CEP152: variants seen among roughly 807,000 people sequenced by gnomAD.
CEP152 encodes the protein centrosomal protein of 152 kDa.
CEP152 carries 132 observed loss-of-function variants against 188.9 expected under a neutral mutation model. The ratio of observed to expected loss-of-function variants is 0.70; its 90% CI spans 0.61 to 0.81. The LOEUF is 0.81. Ranked by LOEUF, CEP152 falls within the 30% of genes least tolerant of loss-of-function variation. The pLI, the probability that CEP152 is intolerant of heterozygous loss-of-function variation, is 0.00. For missense variants in CEP152, 1,914 were observed against 1,969.8 expected, an observed-to-expected ratio of 0.97 and a Z score of 0.54; for synonymous variants, 649 against 666.6, an observed-to-expected ratio of 0.97 and a Z score of 0.41.
chr15:48,747,039 C>T (rs1312038211), intron 22 of CEP152, among the ~76,000 whole-genome samples: 2 of 152,174 alleles, frequency 1.3e-5, no homozygotes, highest in African/African-American at 2.4e-5. Flanking sequence ...GGATCAAGAA[C>T]TTTTCAAACC....
At chr15:48,810,416 CAG>C (rs1898254128) in intron 1 of CEP152, 1 of 152,254 alleles carries the variant, frequency 6.6e-6, no homozygotes, top group African/African-American at 2.4e-5. Flanking sequence ...ATCTTGTGAT[CAG>C]TGCTAATAAC....
At chr15:48,750,821 T>C (rs1435437695) in intron 21 of CEP152, among the ~76,000 whole-genome samples, 1 of 152,170 alleles carries the variant, frequency 6.6e-6, no homozygotes, top group Non-Finnish European at 1.5e-5. Context: ...TACACATAAT[T>C]AAAACATTAA....
rs1894222776 is a variant in CEP152 at position 48,755,913 on chromosome 15, T to C, written c.3335A>G (p.Glu1112Gly). 1.9e-6 allele frequency: 3 copies of C among 1,613,844 alleles called. No individual in the cohort carries two copies. Among genetic ancestry groups the C allele is most frequent in the African/African-American group, 1.3e-5 (1 of 75,042 alleles). Residue 1112 changes from glutamate to glycine, a missense_variant, in exon 20 of 27, where the codon GAA becomes GGA. Physicochemically the swap from Glu to Gly is moderately conservative, Grantham distance 98. Coordinates refer to ENST00000380950, the MANE Select transcript of CEP152 (RefSeq NM_001194998.2). ...LPLLVENADP[E>G]WKKRNMAELS... ...CTCTCAGGAACATACCTTTTTCCAT[T>C]CTGGGTCAGCGTTTTCTACAAGCAG...
chr15:48,783,928 T>C (rs1322197200), intron 10 of CEP152, 45 bp downstream of exon 10: 16 of 1,611,284 alleles, frequency 9.9e-6, no homozygotes, highest in East Asian at 6.7e-5. Context: ...TTTCTGCATA[T>C]TGAACCAACC....
chr15:48,732,237 T>C (rs1007904967), intron 2 of CEP152, among the ~76,000 whole-genome samples: 3 of 152,238 alleles, frequency 2.0e-5, no homozygotes, highest in Non-Finnish European at 2.9e-5. Context: ...TGCACACGTA[T>C]GTTTCCTGCA....
At chr15:48,747,624 T>C (rs1893545076) in intron 22 of CEP152, among the ~76,000 whole-genome samples, 1 of 152,072 alleles carries the variant, frequency 6.6e-6, no homozygotes, top group Non-Finnish European at 1.5e-5. Flanking sequence ...AAAAGAATGT[T>C]GGGGAAAAGT....
intron 9 of CEP152, among the ~76,000 whole-genome samples, chr15:48,787,420 C>T (rs1165892817): frequency 6.6e-6 from 1 of 152,080 alleles, no homozygotes; most frequent in Non-Finnish European, 1.5e-5. Context: ...ATCCACCTGC[C>T]TCAACCTCCC....
At chr15:48,771,533 G>A (rs1022195005) in intron 13 of CEP152, among the ~76,000 whole-genome samples, 1 of 152,056 alleles carries the variant, frequency 6.6e-6, no homozygotes. Flanking sequence ...GAGCACTATT[G>A]GTAAAAGCCA....
At chr15:48,783,391 T>C (rs1002734288) in intron 10 of CEP152, 1 of 152,138 alleles carries the variant, frequency 6.6e-6, no homozygotes, top group Admixed American at 6.5e-5. Flanking sequence ...TATTCCATTA[T>C]GAGGGGAAAA....
chr15:48,803,313 G>C (rs182009330), intron 2 of CEP152, among the ~76,000 whole-genome samples: 10 of 152,066 alleles, frequency 6.6e-5, no homozygotes, highest in African/African-American at 2.4e-4. Flanking sequence ...GGAAGACTGA[G>C]ACAGTTAAAA....
intron 13 of CEP152, among the ~76,000 whole-genome samples, chr15:48,771,192 T>TG (rs1567002617): frequency 1.3e-5 from 2 of 152,230 alleles, no homozygotes; most frequent in East Asian, 3.9e-4. Context: ...TGTGATAGCA[T>TG]GATCTTACAG....
At chr15:48,805,461 T>A in intron 2 of CEP152, 102 bp downstream of exon 2, 1 of 1,423,578 alleles carries the variant, frequency 7.0e-7, no homozygotes, top group Non-Finnish European at 9.3e-7. Context: ...AAAATCCAAA[T>A]CCCTTCAAAA....
In CEP152 at chr15:48,744,942, T is replaced by G; in HGVS notation, c.3685A>C (p.Lys1229Gln). ...GTTTGCAATTCTTCCAATTTATTCTTCATGTCGTTGTTTTCTTCTATTAAT... is the reference window on the plus strand; with the variant it reads ...GTTTGCAATTCTTCCAATTTATTCTGCATGTCGTTGTTTTCTTCTATTAAT... ...EELIEENNDM[K>Q]NKLEELQTLC... Residue 1229 changes from lysine (K) to glutamine (Q), a missense_variant, in exon 23 of 27, where the codon AAG becomes CAG. Coordinates refer to ENST00000380950, the MANE Select transcript of CEP152 (RefSeq NM_001194998.2). 1 of 1,611,066 alleles carries G rather than the reference T, an allele frequency of 6.2e-7. No individual in the cohort carries two copies. The highest frequency in any genetic ancestry group is 8.5e-7 in the Non-Finnish European group (1 of 1,179,038).
intron 18 of CEP152, 55 bp downstream of exon 18, chr15:48,762,336 T>C: frequency 6.7e-7 from 1 of 1,493,508 alleles, no homozygotes; most frequent in Non-Finnish European, 9.3e-7. Flanking sequence ...TGTATGGGTT[T>C]TCATTAAGAG....
At chr15:48,763,457 T>TCGG in intron 17 of CEP152, among the ~76,000 whole-genome samples, 1 of 152,142 alleles carries the variant, frequency 6.6e-6, no homozygotes, top group Non-Finnish European at 1.5e-5. Flanking sequence ...GCGGATCACC[T>TCGG]GAGGTCAGGA....
chr15:48,784,988 C>T (rs1309095837), intron 9 of CEP152, among the ~76,000 whole-genome samples: 1 of 152,030 alleles, frequency 6.6e-6, no homozygotes, highest in African/African-American at 2.4e-5. Flanking sequence ...GAATTCCAGG[C>T]AAATGGCAGA....
intron 24 of CEP152, among the ~76,000 whole-genome samples, chr15:48,743,055 T>A (rs1225579836): frequency 6.6e-6 from 1 of 152,176 alleles, no homozygotes; most frequent in Non-Finnish European, 1.5e-5. Context: ...TAAAACATAA[T>A]ATACACACAT....
At chr15:48,756,926 G>A (rs1350513937) in intron 19 of CEP152, among the ~76,000 whole-genome samples, 1 of 152,042 alleles carries the variant, frequency 6.6e-6, no homozygotes, top group African/African-American at 2.4e-5. Context: ...GACTCATAAG[G>A]ATTTTTTACT....
rs1489837596 is a variant in CEP152 at position 48,738,689 on chromosome 15, C to T, written c.4693G>A (p.Gly1565Arg). ...LDVQEPPVKD[G>R]GDLSDCLGWP... ...CCCAAGCAGTCACTAAGGTCCCCTC[C>T]ATCTTTTACTGGAGGTTCCTGAACA... Residue 1565 changes from glycine to arginine, a missense_variant, in exon 27 of 27, where the codon GGA becomes AGA. Coordinates refer to ENST00000380950, the MANE Select transcript of CEP152 (RefSeq NM_001194998.2). 6.2e-7 allele frequency: 1 copy of T among 1,614,200 alleles called. No individual in the cohort carries two copies. The highest frequency in any genetic ancestry group is 1.1e-5 in the South Asian group (1 of 91,080).
Sources: gnomAD v4.1 joint callset for allele counts (sites outside exome capture counted in the v4.1 genomes callset) on GRCh38, gnomAD v4.1.1 for gene constraint, MANE v1.5 for transcripts, NCBI Gene and HGNC (gene_info 2026-07-23, HGNC 2026-07-21) for gene names.